Variants in PCDH15 observed in about 807,000 individuals in gnomAD.
The protein encoded by PCDH15 is protocadherin related 15.
In PCDH15, 129 loss-of-function variants were observed where a neutral mutation model predicts 178.5. The ratio of observed to expected loss-of-function variants is 0.72; its 90% CI spans 0.63 to 0.84. The LOEUF is 0.84. Ranked by LOEUF, PCDH15 falls within the 40% of genes least tolerant of loss-of-function variation. The pLI, the probability that PCDH15 is intolerant of heterozygous loss-of-function variation, is 0.00. For synonymous variants in PCDH15, 800 were observed against 732.0 expected (o/e 1.09, Z -1.50); for missense variants, 2,230 against 2,099.9 (o/e 1.06, Z -1.21).
chr10:55,012,217 T>G (rs1242182804), intron 2 of PCDH15, among the ~76,000 whole-genome samples: 1 of 152,078 alleles, frequency 6.6e-6, no homozygotes, highest in Non-Finnish European at 1.5e-5. Context: ...AGGTTATGCT[T>G]GCAGTCAAAA....
chr10:54,447,297 C>T (rs1309358849), intron 3 of PCDH15, among the ~76,000 whole-genome samples: 1 of 151,566 alleles, frequency 6.6e-6, no homozygotes, highest in South Asian at 2.1e-4. Context: ...TATTGTTATT[C>T]ACTGTAGTCA....
intron 5 of PCDH15, among the ~76,000 whole-genome samples, chr10:54,352,494 A>G (rs1272611847): frequency 6.6e-6 from 1 of 152,162 alleles, no homozygotes; most frequent in Non-Finnish European, 1.5e-5. Context: ...TACCCAGGAA[A>G]AATGGAGAAT....
At chr10:54,986,712 TC>T (rs1020186427) in intron 2 of PCDH15, among the ~76,000 whole-genome samples, 1 of 152,168 alleles carries the variant, frequency 6.6e-6, no homozygotes, top group Non-Finnish European at 1.5e-5. Context: ...GTGTTCATAA[TC>T]ACTGTTTTAT....
chr10:54,109,341 A>G (rs2094972682), intron 15 of PCDH15, among the ~76,000 whole-genome samples: 1 of 152,178 alleles, frequency 6.6e-6, no homozygotes, highest in Non-Finnish European at 1.5e-5. Flanking sequence ...AAATAAGCTC[A>G]ATAAATGGTC....
rs573448037 is a variant in PCDH15 at position 55,052,315 on chromosome 10, C to A, written c.-80+114261G>T. Among the ~76,000 whole-genome samples, 3 of 62,850 alleles carry A rather than the reference C, an allele frequency of 4.8e-5. No individual in the cohort carries two copies. In the South Asian group the frequency reaches 2.3e-3, roughly 48 times the overall value. 41.2% of individuals were successfully genotyped at this position (62,850 alleles called of 152,430 possible). A position where few individuals can be genotyped will look rare whatever the true frequency, so the allele number is the denominator to read the frequency against. On this transcript the variant is annotated intron_variant, in intron 2 of 5. Transcript: ENST00000458638. ...CCGTGTTAGCCAGGATGGTCGCGAT[C>A]TCCTTACCTCGTGATCCGCCCACCG...
intron 2 of PCDH15, among the ~76,000 whole-genome samples, chr10:55,375,851 A>G (rs767490102): frequency 5.3e-5 from 8 of 152,072 alleles, no homozygotes; most frequent in African/African-American, 1.2e-4. Context: ...TTTAACAAAC[A>G]TCAGAAAAAT....
intron 2 of PCDH15, among the ~76,000 whole-genome samples, chr10:55,495,024 A>G (rs1840500634): frequency 6.6e-6 from 1 of 151,786 alleles, no homozygotes; most frequent in African/African-American, 2.4e-5. Context: ...TTTTCAACAA[A>G]TAGTGCTAGT....
intron 2 of PCDH15, among the ~76,000 whole-genome samples, chr10:55,140,210 C>A (rs1258254132): frequency 6.6e-6 from 1 of 151,770 alleles, no homozygotes; most frequent in Non-Finnish European, 1.5e-5. Context: ...AAATACATAT[C>A]ATCTGCAAAT....
chr10:53,975,139 T>G (rs1010946699), intron 21 of PCDH15, among the ~76,000 whole-genome samples: 12 of 152,218 alleles, frequency 7.9e-5, no homozygotes. Flanking sequence ...TTGCATAGTA[T>G]TCCATGGTGC....
intron 1 of PCDH15, among the ~76,000 whole-genome samples, chr10:55,255,508 G>A (rs1338270946): frequency 3.3e-5 from 5 of 152,118 alleles, no homozygotes; most frequent in African/African-American, 1.2e-4. Context: ...TCTAGTTCTA[G>A]ATCCCTGAGG....
At chr10:55,548,388 T>A (rs184258609) in intron 2 of PCDH15, among the ~76,000 whole-genome samples, 1 of 152,170 alleles carries the variant, frequency 6.6e-6, no homozygotes, top group African/African-American at 2.4e-5. Context: ...ATACTGTAAA[T>A]GCCTTGTTTC....
intron 2 of PCDH15, among the ~76,000 whole-genome samples, chr10:55,606,770 A>C (rs1468524968): frequency 4.4e-4 from 63 of 144,674 alleles, no homozygotes; most frequent in African/African-American, 1.5e-3. Context: ...AGACTTAAAC[A>C]TTAGACCTAA....
rs79064024 is a variant in PCDH15, at chr10:55,600,016, C to T, written c.-156+27609G>A. ...CCTGTGGAGCTTGAATTCATTAATG[C>T]AAATAGATTCAAACAAGCCAACAGG... On this transcript the variant is annotated intron_variant, in intron 2 of 5. Coordinates refer to the PCDH15 transcript ENST00000613346. 9,026 of 1,281,092 alleles carry T rather than the reference C, an allele frequency of 7.0e-3. 43 individuals carry two copies. Among genetic ancestry groups the T allele is most frequent in the Non-Finnish European group, 8.1e-3 (7,839 of 969,934 alleles). The allele number at this position is 1,281,092 out of a possible 1,614,324, so 79.4% of individuals were successfully genotyped here.
At chr10:55,205,169 T>A (rs142186311) in intron 1 of PCDH15, among the ~76,000 whole-genome samples, 1 of 152,166 alleles carries the variant, frequency 6.6e-6, no homozygotes, top group African/African-American at 2.4e-5. Context: ...AATATTAAAA[T>A]AAACCACTTA....
intron 2 of PCDH15, among the ~76,000 whole-genome samples, chr10:55,376,784 T>C (rs1172889296): frequency 6.6e-6 from 1 of 152,062 alleles, no homozygotes; most frequent in Non-Finnish European, 1.5e-5. Context: ...AATATGTAGA[T>C]CCTTTGTGAA....
chr10:54,361,979 T>C (rs1213304988), intron 5 of PCDH15, among the ~76,000 whole-genome samples: 1 of 152,048 alleles, frequency 6.6e-6, no homozygotes, highest in African/African-American at 2.4e-5. Flanking sequence ...AGCAAATTCA[T>C]TAATGCTTCC....
At chr10:54,355,120 C>CAAAAAAAAAAAAAAAAAAAAAAAAAAA (rs770404490) in intron 5 of PCDH15, among the ~76,000 whole-genome samples, 2 of 69,840 alleles carry the variant, frequency 2.9e-5, no homozygotes, top group Non-Finnish European at 5.1e-5. Context: ...AGGAGGATTG[C>CAAAAAAAAAAAAAAAAAAAAAAAAAAA]AAAAAAAAAA....
chr10:54,154,489 G>A (rs999845376), intron 13 of PCDH15, among the ~76,000 whole-genome samples: 2 of 151,866 alleles, frequency 1.3e-5, no homozygotes, highest in African/African-American at 4.8e-5. Flanking sequence ...TAAAGATGCT[G>A]GTATACCTTC....
intron 8 of PCDH15, among the ~76,000 whole-genome samples, chr10:54,310,680 T>G (rs1415853795): frequency 6.6e-6 from 1 of 151,988 alleles, no homozygotes; most frequent in African/African-American, 2.4e-5. Flanking sequence ...AACAAATACA[T>G]AATCCCTATT....
Sources: gnomAD v4.1 joint callset for allele counts (sites outside exome capture counted in the v4.1 genomes callset) on GRCh38, gnomAD v4.1.1 for gene constraint, MANE v1.5 for transcripts, NCBI Gene and HGNC (gene_info 2026-07-23, HGNC 2026-07-21) for gene names.